The following ABLIM1 variants were observed in gnomAD, a reference collection of about 807,000 sequenced individuals.
ABLIM1 encodes the protein actin-binding LIM protein 1.
Under a neutral mutation model 107.0 loss-of-function variants are expected in ABLIM1, and 40 were observed. That is an observed-to-expected ratio of 0.37 (90% CI 0.29 to 0.49). ABLIM1 has a LOEUF of 0.49. Ranked by LOEUF, ABLIM1 falls within the 20% of genes least tolerant of loss-of-function variation. The pLI, the probability that ABLIM1 is intolerant of heterozygous loss-of-function variation, is 0.97. For missense variants in ABLIM1, 857 were observed against 1,008.5 expected (o/e 0.85, Z 2.04); for synonymous variants, 357 against 357.3 (o/e 1.00, Z 0.01).
chr10:114,487,185 A>G (rs924958975), intron 8 of ABLIM1, among the ~76,000 whole-genome samples: 2 of 152,202 alleles, frequency 1.3e-5, no homozygotes, highest in Non-Finnish European at 2.9e-5. Flanking sequence ...CTGGCCTCCA[A>G]AATAAATCCA....
intron 1 of ABLIM1, among the ~76,000 whole-genome samples, chr10:114,647,647 C>T (rs11196826): frequency 0.071 from 10,762 of 152,272 alleles, 461 homozygotes; most frequent in South Asian, 0.13. Context: ...CCCAGGAGAT[C>T]CTACTCTATG....
chr10:114,446,942 G>A (rs2061104774), intron 15 of ABLIM1, among the ~76,000 whole-genome samples: 1 of 152,180 alleles, frequency 6.6e-6, no homozygotes, highest in Non-Finnish European at 1.5e-5. Flanking sequence ...ATGAACTTAG[G>A]AGGTAGATTT....
In ABLIM1 at chr10:114,448,121, T is replaced by C. The variant is rs902733096; in HGVS notation, c.1595-101A>G. 1.1e-5 allele frequency: 16 copies of C among 1,492,508 alleles called. No homozygotes were observed. The African/African-American group carries it at 2.1e-4, about 20-fold the overall frequency. 92.5% of individuals were successfully genotyped at this position (1,492,508 alleles called of 1,614,324 possible). A position where few individuals can be genotyped will look rare whatever the true frequency, so the allele number is the denominator to read the frequency against. On this transcript the variant is annotated intron_variant, in intron 14 of 22. Transcript: ENST00000533213. The stretch of plus-strand genomic sequence containing the variant: ...GTTTTCTTGTTCTCTGGCAAAAGTT[T>C]CAGTTCCAGAAAGTTCTGTTTATTA...
intron 1 of ABLIM1, among the ~76,000 whole-genome samples, chr10:114,621,819 G>A (rs2077481428): frequency 6.6e-6 from 1 of 152,212 alleles, no homozygotes; most frequent in Admixed American, 6.5e-5. Flanking sequence ...CAAGAAAATT[G>A]TAATGTGATC....
intron 6 of ABLIM1, among the ~76,000 whole-genome samples, chr10:114,495,620 G>GTGCTGC (rs554585306): frequency 9.2e-5 from 14 of 151,950 alleles, no homozygotes; most frequent in African/African-American, 2.7e-4. Flanking sequence ...GGTGATGACG[G>GTGCTGC]TGCTGCTGCT....
chr10:114,625,821 T>C (rs1421703406), intron 1 of ABLIM1, among the ~76,000 whole-genome samples: 1 of 152,218 alleles, frequency 6.6e-6, no homozygotes, highest in Non-Finnish European at 1.5e-5. Context: ...ACATGCTAGC[T>C]AAGTGATCTC....
rs113963829 is a variant in ABLIM1 at position 114,443,603 on chromosome 10, G to A, written c.1933+426C>T. Among the ~76,000 whole-genome samples, 1,139 of 145,312 alleles carry A rather than the reference G, an allele frequency of 7.8e-3. 3 individuals are homozygous for A. The highest frequency in any genetic ancestry group is 0.015 in the African/African-American group (571 of 39,062). On this transcript the variant is annotated intron_variant, in intron 17 of 22. Coordinates refer to ENST00000533213, the MANE Select transcript of ABLIM1 (RefSeq NM_002313.7). ...GCTGGGATTACAGGCATGAGCCACC[G>A]CACCCGGCCTCTATTGAAGATATTA...
intron 1 of ABLIM1, among the ~76,000 whole-genome samples, chr10:114,676,432 G>T (rs1307122483): frequency 6.6e-6 from 1 of 151,904 alleles, no homozygotes; most frequent in South Asian, 2.1e-4. Context: ...AACCGAGATC[G>T]CGACACTGCA....
intron 1 of ABLIM1, among the ~76,000 whole-genome samples, chr10:114,706,665 C>T (rs1408708346): frequency 6.6e-6 from 1 of 152,222 alleles, no homozygotes; most frequent in East Asian, 1.9e-4. Flanking sequence ...TCCACAGCAA[C>T]TGCTGAATTA....
intron 5 of ABLIM1, among the ~76,000 whole-genome samples, chr10:114,546,400 T>A (rs2067348522): frequency 6.6e-6 from 1 of 151,552 alleles, no homozygotes; most frequent in Admixed American, 6.6e-5. Flanking sequence ...TTCAAGCAAT[T>A]CTCCTGTCTC....
intron 7 of ABLIM1, among the ~76,000 whole-genome samples, chr10:114,488,464 C>A (rs1308982676): frequency 6.6e-6 from 1 of 152,140 alleles, no homozygotes; most frequent in Non-Finnish European, 1.5e-5. Flanking sequence ...TAGTCTATGT[C>A]CAGAAGCAAG....
chr10:114,655,309 C>T (rs1011130690), intron 1 of ABLIM1, among the ~76,000 whole-genome samples: 9 of 152,314 alleles, frequency 5.9e-5, no homozygotes, highest in South Asian at 4.1e-4. Context: ...AGAACTCTCT[C>T]GGATACTGTT....
chr10:114,622,551 T>C (rs2077538038), intron 1 of ABLIM1, among the ~76,000 whole-genome samples: 1 of 152,180 alleles, frequency 6.6e-6, no homozygotes, highest in Non-Finnish European at 1.5e-5. Flanking sequence ...CTGACCCACT[T>C]TTCTTAATTC....
chr10:114,766,811 A>G (rs955110440), intron 1 of ABLIM1, among the ~76,000 whole-genome samples: 1 of 152,226 alleles, frequency 6.6e-6, no homozygotes, highest in African/African-American at 2.4e-5. Flanking sequence ...ATCCATATAC[A>G]CACCAAGTCC....
At chr10:114,756,610 G>GT (rs1470372115) in intron 1 of ABLIM1, among the ~76,000 whole-genome samples, 1 of 151,966 alleles carries the variant, frequency 6.6e-6, no homozygotes, top group Admixed American at 6.6e-5. Flanking sequence ...TCCTCATATT[G>GT]TGTCTGCATG....
chr10:114,522,253 T>A (rs757930396), intron 6 of ABLIM1, among the ~76,000 whole-genome samples: 16 of 152,238 alleles, frequency 1.1e-4, no homozygotes, highest in Non-Finnish European at 1.6e-4. Context: ...ACACATGTTT[T>A]CCTCATGCTT....
intron 8 of ABLIM1, among the ~76,000 whole-genome samples, chr10:114,479,701 T>C (rs1196263790): frequency 6.6e-6 from 1 of 152,232 alleles, no homozygotes; most frequent in Non-Finnish European, 1.5e-5. Context: ...AGAGTGTATT[T>C]GCTCAACTGC....
intron 1 of ABLIM1, among the ~76,000 whole-genome samples, chr10:114,671,551 AAAGT>A (rs1352864968): frequency 6.6e-6 from 1 of 152,238 alleles, no homozygotes; most frequent in Non-Finnish European, 1.5e-5. Flanking sequence ...ACACTTTTCC[AAAGT>A]GAGTTGTTCA....
chr10:114,611,715 G>C (rs569471953), intron 1 of ABLIM1, among the ~76,000 whole-genome samples: 1 of 152,252 alleles, frequency 6.6e-6, no homozygotes, highest in East Asian at 1.9e-4. Flanking sequence ...TGGCGCACTT[G>C]CCCTGATGTG....
Sources: gnomAD v4.1 joint callset for allele counts (sites outside exome capture counted in the v4.1 genomes callset) on GRCh38, gnomAD v4.1.1 for gene constraint, MANE v1.5 for transcripts, NCBI Gene and HGNC (gene_info 2026-07-23, HGNC 2026-07-21) for gene names.